PSMD14: variants seen among roughly 807,000 people sequenced by gnomAD.
The protein encoded by PSMD14 is proteasome 26S subunit, non-ATPase 14, also known as ubiquitin C-terminal hydrolase PSMD14.
In PSMD14, 7 loss-of-function variants were observed where a neutral mutation model predicts 41.2. The ratio of observed to expected loss-of-function variants is 0.17; its 90% confidence interval spans 0.10 to 0.32. The LOEUF is 0.32. PSMD14 is among the 10% of genes least tolerant of loss of function. PSMD14 has a pLI of 1.00. For synonymous variants in PSMD14, 114 were observed against 122.3 expected (o/e 0.93, Z 0.45); for missense variants, 139 against 375.6 (o/e 0.37, Z 5.21).
chr2:161,363,104 C>T (rs1038714765), intron 3 of PSMD14, among the ~76,000 whole-genome samples: 9 of 152,128 alleles, frequency 5.9e-5, no homozygotes, highest in South Asian at 4.1e-4. Context: ...AGATCAGTGG[C>T]GGCATTATAT....
intron 3 of PSMD14, among the ~76,000 whole-genome samples, chr2:161,364,113 G>A (rs544298667): frequency 6.6e-6 from 1 of 152,254 alleles, no homozygotes; most frequent in Admixed American, 6.5e-5. Context: ...TTTTCCACTG[G>A]AGTCAGGACG....
chr2:161,394,772 A>G (rs1683768872), intron 9 of PSMD14, among the ~76,000 whole-genome samples: 1 of 152,118 alleles, frequency 6.6e-6, no homozygotes, highest in Non-Finnish European at 1.5e-5. Flanking sequence ...GTGTAGTGTG[A>G]CTATTTTAGG....
chr2:161,354,691 C>T (rs1250680721), intron 3 of PSMD14, among the ~76,000 whole-genome samples: 1 of 152,124 alleles, frequency 6.6e-6, no homozygotes, highest in Non-Finnish European at 1.5e-5. Context: ...ATGAAGTATA[C>T]ACACACATTT....
intron 3 of PSMD14, among the ~76,000 whole-genome samples, chr2:161,363,462 T>G (rs1683318971): frequency 6.6e-6 from 1 of 152,206 alleles, no homozygotes; most frequent in Admixed American, 6.5e-5. Context: ...ATTTTTCATC[T>G]TTTTATCTTG....
chr2:161,317,260 C>T (rs79796151), intron 2 of PSMD14, among the ~76,000 whole-genome samples: 10 of 152,108 alleles, frequency 6.6e-5, no homozygotes, highest in East Asian at 1.9e-4. Flanking sequence ...GAGTTAAGAT[C>T]GTGAAGTGGA....
chr2:161,331,348 C>T lies in PSMD14; in HGVS notation c.48+12475C>T, dbSNP rs538591371. ...TGCGATCTCGGCTCAGTGCAACCTC[C>T]GCCTCCCAGGTTCAAGCGGTTCTCC... On this transcript the variant is annotated intron_variant, in intron 3 of 11. Coordinates refer to ENST00000409682, the MANE Select transcript of PSMD14 (RefSeq NM_005805.6). Among the ~76,000 whole-genome samples the T allele has an allele frequency of 5.3e-5, 8 of 151,892 alleles. No homozygotes were observed. The South Asian group carries it at 6.2e-4, about 12-fold the overall frequency.
chr2:161,406,848 A>G (rs1235519659), intron 10 of PSMD14, among the ~76,000 whole-genome samples: 1 of 152,144 alleles, frequency 6.6e-6, no homozygotes, highest in Non-Finnish European at 1.5e-5. Flanking sequence ...TAAATTATGT[A>G]AAAGATTTTT....
intron 3 of PSMD14, among the ~76,000 whole-genome samples, chr2:161,320,851 A>T (rs983880170): frequency 6.6e-6 from 1 of 151,880 alleles, no homozygotes; most frequent in African/African-American, 2.4e-5. Context: ...TCAGCCTCCC[A>T]AGTAGCTGGG....
In PSMD14 at chr2:161,411,443, C is replaced by A; in HGVS notation, c.*43C>A. 1 of 1,381,710 alleles carries A rather than the reference C, an allele frequency of 7.2e-7. No individual in the cohort carries two copies. Among genetic ancestry groups the A allele is most frequent in the Admixed American group, 2.1e-5 (1 of 48,294 alleles). 85.6% of individuals were successfully genotyped at this position (1,381,710 alleles called of 1,614,324 possible). ...TTAATGATGCCTTCAGTGTATATTC[C>A]TCTGTTGTTCCTAATGCTCAAAATC... On this transcript the variant is annotated 3_prime_UTR_variant, in exon 12 of 12. Coordinates refer to ENST00000409682, the MANE Select transcript of PSMD14 (RefSeq NM_005805.6).
chr2:161,342,330 A>G (rs1682976977), intron 3 of PSMD14, among the ~76,000 whole-genome samples: 1 of 150,792 alleles, frequency 6.6e-6, no homozygotes, highest in Non-Finnish European at 1.5e-5. Context: ...TACTTTGTTG[A>G]GACTTTTTTT....
chr2:161,410,085 A>G (rs1445781182), intron 11 of PSMD14, among the ~76,000 whole-genome samples: 1 of 152,164 alleles, frequency 6.6e-6, no homozygotes, highest in Admixed American at 6.5e-5. Context: ...AAAGTTTAAT[A>G]ATCATCAGAA....
At chr2:161,408,659 A>G (rs1683986090) in intron 10 of PSMD14, 178 bp from the exon 11 acceptor site, 1 of 522,702 alleles carries the variant, frequency 1.9e-6, no homozygotes, top group African/African-American at 1.9e-5. Flanking sequence ...TGATGCTGAT[A>G]GTTTTTATTG....
chr2:161,409,392 G>C (rs1474512922), intron 11 of PSMD14, among the ~76,000 whole-genome samples: 1 of 152,066 alleles, frequency 6.6e-6, no homozygotes, highest in South Asian at 2.1e-4. Flanking sequence ...TTATCTGAGG[G>C]TGGGGGAAGA....
At chr2:161,349,345 C>T (rs1252005982) in intron 3 of PSMD14, among the ~76,000 whole-genome samples, 1 of 152,190 alleles carries the variant, frequency 6.6e-6, no homozygotes, top group Non-Finnish European at 1.5e-5. Flanking sequence ...TTGGCATTTT[C>T]ATGTATGCCT....
In PSMD14 at chr2:161,309,052, G is replaced by A. The variant is rs182349756; in HGVS notation, c.-138+448G>A. Among the ~76,000 whole-genome samples the A allele has an allele frequency of 1.2e-3, 183 of 152,236 alleles. 1 individual carries two copies. The highest frequency in any genetic ancestry group is 4.0e-3 in the African/African-American group (167 of 41,544). On this transcript the variant is annotated intron_variant, in intron 1 of 11. Coordinates refer to ENST00000409682, the MANE Select transcript of PSMD14 (RefSeq NM_005805.6). ...TTAACCCTTTTTCTGTTAGTGTTAGGTTTTCAGCTCCCTCCAAAAAGTAAA... is the reference window on the plus strand; with the variant it reads ...TTAACCCTTTTTCTGTTAGTGTTAGATTTTCAGCTCCCTCCAAAAAGTAAA...
chr2:161,343,965 T>C (rs773737955), intron 3 of PSMD14, among the ~76,000 whole-genome samples: 2 of 152,230 alleles, frequency 1.3e-5, no homozygotes, highest in Non-Finnish European at 2.9e-5. Context: ...CTTTTTCTTG[T>C]CATTATTCCC....
intron 3 of PSMD14, among the ~76,000 whole-genome samples, chr2:161,355,918 G>A (rs1683190095): frequency 6.6e-6 from 1 of 152,110 alleles, no homozygotes; most frequent in African/African-American, 2.4e-5. Context: ...TCTTTTCAGT[G>A]TTAAAATAGG....
intron 3 of PSMD14, among the ~76,000 whole-genome samples, chr2:161,361,406 A>G (rs2105253008): frequency 6.6e-6 from 1 of 152,286 alleles, no homozygotes; most frequent in East Asian, 1.9e-4. Context: ...GAACAGCCTC[A>G]GAGCCAAATG....
chr2:161,402,773 G>A (rs945510234), intron 10 of PSMD14, among the ~76,000 whole-genome samples: 1 of 151,910 alleles, frequency 6.6e-6, no homozygotes, highest in South Asian at 2.1e-4. Flanking sequence ...ATTAGGCAAG[G>A]ACTTGGATAG....
Sources: allele counts gnomAD v4.1 joint callset (sites outside exome capture counted in the v4.1 genomes callset), GRCh38; gene constraint gnomAD v4.1.1; transcripts MANE v1.5; gene names NCBI Gene and HGNC (gene_info 2026-07-23, HGNC 2026-07-21).